LOC400499: variants seen among roughly 807,000 people sequenced by gnomAD.
the LOC400499 span, chr16:11,425,525 T>C: frequency 5.0e-6 from 2 of 398,152 alleles, no homozygotes; most frequent in Admixed American, 4.4e-5. Context: ...GGGTAAGAAG[T>C]TGCTAGATTC....
chr16:11,415,231 G>C, the LOC400499 span, among the ~76,000 whole-genome samples: 1 of 152,166 alleles, frequency 6.6e-6, no homozygotes, highest in Non-Finnish European at 1.5e-5. Flanking sequence ...TTTCTTCTTT[G>C]ACTTAAACTC....
the LOC400499 span, among the ~76,000 whole-genome samples, chr16:11,466,945 G>A: frequency 2.6e-5 from 4 of 151,148 alleles, no homozygotes; most frequent in African/African-American, 7.3e-5. Context: ...GTGTATGCAC[G>A]CACACACACA....
At chr16:11,479,377 C>A in the LOC400499 span, among the ~76,000 whole-genome samples, 1 of 151,856 alleles carries the variant, frequency 6.6e-6, no homozygotes, top group Non-Finnish European at 1.5e-5. Context: ...ACTAGGGAGG[C>A]CGAGAAAAGA....
the LOC400499 span, chr16:11,508,800 C>T: frequency 2.5e-6 from 1 of 399,090 alleles, no homozygotes. Flanking sequence ...GTGTCTCCTC[C>T]CACTCATACA....
chr16:11,457,821 A>G, the LOC400499 span, among the ~76,000 whole-genome samples: 1 of 152,204 alleles, frequency 6.6e-6, no homozygotes, highest in African/African-American at 2.4e-5. Context: ...CAGACAATGG[A>G]GTATTCGGCC....
chr16:11,397,903 T>C, the LOC400499 span, among the ~76,000 whole-genome samples: 3 of 151,092 alleles, frequency 2.0e-5, no homozygotes, highest in African/African-American at 4.9e-5. Context: ...GGATGGAAGA[T>C]AGGAAGGAGG....
chr16:11,458,460 G>T, the LOC400499 span, among the ~76,000 whole-genome samples: 9 of 149,294 alleles, frequency 6.0e-5, no homozygotes, highest in Non-Finnish European at 1.3e-4. Context: ...AGCCAAGATT[G>T]CACCATTGTA....
At chr16:11,515,479 GTACA>G in the LOC400499 span, among the ~76,000 whole-genome samples, 14 of 144,334 alleles carry the variant, frequency 9.7e-5, no homozygotes, top group Admixed American at 4.7e-4. Context: ...ACATACGTAC[GTACA>G]TACATACATA....
chr16:11,490,570 G>A, the LOC400499 span, among the ~76,000 whole-genome samples: 14,256 of 152,068 alleles, frequency 0.094, 946 homozygotes, highest in Non-Finnish European at 0.14. Flanking sequence ...GCGAGGTGGT[G>A]GCCACCTGTA....
chr16:11,462,572 G>T, the LOC400499 span: 1 of 298,160 alleles, frequency 3.4e-6, no homozygotes, highest in Non-Finnish European at 5.0e-6. Context: ...ACAGTCACGT[G>T]CCACCACACC....
the LOC400499 span, chr16:11,447,898 G>T: frequency 1.3e-6 from 2 of 1,517,262 alleles, no homozygotes; most frequent in Non-Finnish European, 1.8e-6. Flanking sequence ...GGGGAAACTT[G>T]CAGGGGTGTC....
the LOC400499 span, among the ~76,000 whole-genome samples, chr16:11,397,793 G>GGATGGATGGATGGATGGAT: frequency 7.1e-6 from 1 of 140,038 alleles, no homozygotes; most frequent in African/African-American, 2.8e-5. Flanking sequence ...GAGGGAGGGA[G>GGATGGATGGATGGATGGAT]GGAGGGATGG....
At chr16:11,405,232 C>A in the LOC400499 span, among the ~76,000 whole-genome samples, 1 of 152,176 alleles carries the variant, frequency 6.6e-6, no homozygotes, top group Non-Finnish European at 1.5e-5. Flanking sequence ...GTGCACTCAG[C>A]CCAGGGCTAC....
At chr16:11,502,237 T>G in the LOC400499 span, 50 of 398,434 alleles carry the variant, frequency 1.3e-4, no homozygotes, top group Non-Finnish European at 2.0e-4. Flanking sequence ...TCCCCGAAGG[T>G]CACCTCACCC....
At chr16:11,430,214 C>T in the LOC400499 span, among the ~76,000 whole-genome samples, 3 of 152,120 alleles carry the variant, frequency 2.0e-5, no homozygotes, top group African/African-American at 7.2e-5. Context: ...CTGCCAGGCG[C>T]GGTGGCTCAC....
the LOC400499 span, chr16:11,461,139 GC>G: frequency 6.6e-7 from 1 of 1,525,740 alleles, no homozygotes. Context: ...CAGAGAGCAG[GC>G]AGATGAGAGG....
At chr16:11,412,985 G>C in the LOC400499 span, 1 of 399,318 alleles carries the variant, frequency 2.5e-6, no homozygotes, top group Non-Finnish European at 4.4e-6. Context: ...AGATGTGTGG[G>C]TGTACATAGC....
At chr16:11,500,039 C>G in the LOC400499 span, among the ~76,000 whole-genome samples, 1 of 152,338 alleles carries the variant, frequency 6.6e-6, no homozygotes, top group South Asian at 2.1e-4. Flanking sequence ...TTGACCTCAT[C>G]TCACACAGAT....
At chr16:11,462,242 T>A in the LOC400499 span, 1 of 1,532,384 alleles carries the variant, frequency 6.5e-7, no homozygotes, top group East Asian at 2.5e-5. Context: ...CAGTTTCACC[T>A]CCAGCTGCGC....
Sources: allele counts gnomAD v4.1 joint callset (sites outside exome capture counted in the v4.1 genomes callset), GRCh38; gene constraint gnomAD v4.1.1; transcripts MANE v1.5.